Variants in NUP35 observed in about 807,000 individuals in gnomAD.
NUP35 encodes nucleoporin NUP35.
A neutral mutation model predicts 41.5 loss-of-function variants in NUP35; 25 were observed. The observed-to-expected ratio is 0.60, with a 90% confidence interval of 0.44 to 0.84. The LOEUF (loss-of-function observed/expected upper bound fraction) is 0.84, where lower values mean the gene tolerates loss of function less well. Ranked by LOEUF, NUP35 falls within the 40% of genes least tolerant of loss-of-function variation. The pLI is 0.00. For synonymous variants in NUP35, 149 were observed against 130.7 expected, an observed-to-expected ratio of 1.14 and a Z score of -0.96; for missense variants, 396 against 396.6, an observed-to-expected ratio of 1.00 and a Z score of 0.01.
chr2:183,131,131 T>C, intron 3 of NUP35: 1 of 260,594 alleles, frequency 3.8e-6, no homozygotes, highest in Non-Finnish European at 8.5e-6. Context: ...CGTGCTGCTA[T>C]GCCTGGCTAA....
intron 4 of NUP35, among the ~76,000 whole-genome samples, chr2:183,136,437 G>C (rs1056082546): frequency 6.6e-6 from 1 of 152,176 alleles, no homozygotes; most frequent in Admixed American, 6.5e-5. Flanking sequence ...ATTTAGTTCT[G>C]TGTGGTTATA....
upstream of NUP35, chr2:183,123,750 G>T: frequency 1.0e-6 from 1 of 983,524 alleles, no homozygotes; most frequent in Non-Finnish European, 1.2e-6. Flanking sequence ...AAGAAAAGCA[G>T]CAAAGTGAGG....
rs201471200 is a variant in NUP35 at position 183,151,590 on chromosome 2, T to C, written c.480T>C (p.Thr160=). 4 of 1,613,938 alleles carry C rather than the reference T, an allele frequency of 2.5e-6. No individual in the cohort carries two copies. Among genetic ancestry groups the C allele is most frequent in the Non-Finnish European group, 3.4e-6 (4 of 1,179,814 alleles). The change falls in exon 5 of 9, where the codon ACT becomes ACC. Residue 160 remains threonine, a synonymous_variant. Transcript: ENST00000295119. The stretch of plus-strand genomic sequence containing the variant: ...CTGCCCAGTTGGATCCTTTTTATAC[T>C]CAAGGAGATTCTTTGACTTCAGAAG... ...LSPAQLDPFY[T]QGDSLTSEDH... is the part of the protein sequence containing the mutation.
At chr2:183,131,650 G>A (rs952868890) in intron 3 of NUP35, among the ~76,000 whole-genome samples, 1 of 152,192 alleles carries the variant, frequency 6.6e-6, no homozygotes, top group Admixed American at 6.5e-5. Flanking sequence ...GATATAGCTA[G>A]TCTTTATTGA....
Position 183,124,450 on chromosome 2 carries a change from C to G in NUP35, c.-8C>G. ...AAGGTACTGGTTTTAAGTGTAGTTG[C>G]CGACGCAATGGCAGCCTTTGCAGTG... is the stretch of plus-strand genomic sequence containing the variant. On this transcript the variant is annotated 5_prime_UTR_variant, in exon 1 of 9. Transcript: ENST00000295119. 1 of 1,614,170 alleles carries G rather than the reference C, an allele frequency of 6.2e-7. No homozygotes were observed. Among genetic ancestry groups the G allele is most frequent in the East Asian group, 2.2e-5 (1 of 44,888 alleles).
chr2:183,133,201 C>T (rs1335183655), intron 3 of NUP35, among the ~76,000 whole-genome samples: 1 of 151,920 alleles, frequency 6.6e-6, no homozygotes, highest in Admixed American at 6.6e-5. Context: ...ATTTTGTCAC[C>T]CTTCTGTTTT....
chr2:183,140,650 C>T (rs1685057609), intron 4 of NUP35, among the ~76,000 whole-genome samples: 1 of 151,750 alleles, frequency 6.6e-6, no homozygotes, highest in Non-Finnish European at 1.5e-5. Flanking sequence ...GGTGAAACCC[C>T]ATCTCTACAA....
At chr2:183,151,840 G>A (rs1353780788) in intron 5 of NUP35, among the ~76,000 whole-genome samples, 191 bp downstream of exon 5, 1 of 151,884 alleles carries the variant, frequency 6.6e-6, no homozygotes, top group African/African-American at 2.4e-5. Context: ...TCTTTTTGTT[G>A]GTACATTTCA....
intron 8 of NUP35, 142 bp downstream of exon 8, chr2:183,159,794 A>G (rs932968495): frequency 8.6e-6 from 5 of 580,230 alleles, no homozygotes; most frequent in Non-Finnish European, 1.4e-5. Context: ...ACGCTTTAAA[A>G]GTTTTCTGCT....
At chr2:183,154,995 G>A (rs1228485390) in intron 5 of NUP35, among the ~76,000 whole-genome samples, 1 of 151,708 alleles carries the variant, frequency 6.6e-6, no homozygotes, top group African/African-American at 2.4e-5. Context: ...TGATAAACGC[G>A]TCAGATCTTG....
At chr2:183,125,036 T>C (rs1437351701) in intron 1 of NUP35, among the ~76,000 whole-genome samples, 1 of 151,978 alleles carries the variant, frequency 6.6e-6, no homozygotes, top group Non-Finnish European at 1.5e-5. Flanking sequence ...TCGTGCAACA[T>C]TTAATCAACC....
intron 4 of NUP35, among the ~76,000 whole-genome samples, chr2:183,143,166 A>C (rs7567370): frequency 6.6e-6 from 1 of 151,066 alleles, no homozygotes; most frequent in East Asian, 1.9e-4. Flanking sequence ...AAAAAAAAAA[A>C]AAAAGAAAAG....
At chr2:183,128,177 A>T in intron 1 of NUP35, 110 bp from the exon 2 acceptor site, 1 of 665,952 alleles carries the variant, frequency 1.5e-6, no homozygotes, top group Non-Finnish European at 2.3e-6. Context: ...TATATCTAAA[A>T]GTTTTGATTA....
At chr2:183,141,764 T>C (rs189741255) in intron 4 of NUP35, among the ~76,000 whole-genome samples, 1 of 152,252 alleles carries the variant, frequency 6.6e-6, no homozygotes, top group Admixed American at 6.5e-5. Context: ...CATTTTTCTT[T>C]GTTTTAAATT....
chr2:183,158,676 A>G (rs1483396938), intron 7 of NUP35, among the ~76,000 whole-genome samples: 1 of 152,174 alleles, frequency 6.6e-6, no homozygotes, highest in Non-Finnish European at 1.5e-5. Flanking sequence ...GAGTTGTTAA[A>G]GGTGAGGCCT....
At chr2:183,159,803 C>G in intron 8 of NUP35, 151 bp downstream of exon 8, 1 of 546,902 alleles carries the variant, frequency 1.8e-6, no homozygotes, top group Non-Finnish European at 3.0e-6. Flanking sequence ...AAGTTTTCTG[C>G]TTTAAAGTTA....
intron 3 of NUP35, chr2:183,131,202 C>G (rs1684686844): frequency 5.9e-6 from 1 of 169,258 alleles, no homozygotes; most frequent in South Asian, 1.4e-4. Context: ...GCACCTTGAC[C>G]TCTCAAAGCG....
chr2:183,157,550 A>C lies in NUP35; in HGVS notation c.609+37A>C, dbSNP rs761907870. On this transcript the variant is annotated intron_variant, in intron 6 of 8. Transcript: ENST00000295119. ...TTTTTTTCAGTTCAGAGTTTTGACTAAAGAGGGATAAGTTGTGAATTGAGA... is the reference window on the plus strand; with the variant it reads ...TTTTTTTCAGTTCAGAGTTTTGACTCAAGAGGGATAAGTTGTGAATTGAGA... 15 of 1,353,258 alleles carry C rather than the reference A, an allele frequency of 1.1e-5. No individual in the cohort carries two copies. The East Asian group carries it at 3.0e-4, about 27-fold the overall frequency. 83.8% of individuals were successfully genotyped at this position (1,353,258 alleles called of 1,614,324 possible). A position where few individuals can be genotyped will look rare whatever the true frequency, so the allele number is the denominator to read the frequency against.
chr2:183,137,004 C>T (rs1182755687), intron 4 of NUP35, among the ~76,000 whole-genome samples: 3 of 151,996 alleles, frequency 2.0e-5, no homozygotes, highest in Admixed American at 6.5e-5. Flanking sequence ...GTGGGAGGAT[C>T]ACTTGAACCT....
Sources: gnomAD v4.1 joint callset for allele counts (sites outside exome capture counted in the v4.1 genomes callset) on GRCh38, gnomAD v4.1.1 for gene constraint, MANE v1.5 for transcripts, NCBI Gene and HGNC (gene_info 2026-07-23, HGNC 2026-07-21) for gene names.